Variants in PALM2AKAP2 observed in about 807,000 individuals in gnomAD.
PALM2AKAP2 encodes PALM2 and AKAP2 fusion.
Under a neutral mutation model 71.5 loss-of-function variants are expected in PALM2AKAP2, and 37 were observed. The ratio of observed to expected loss-of-function variants is 0.52; its 90% CI spans 0.40 to 0.68. The LOEUF is 0.68. PALM2AKAP2 is among the 30% of genes least tolerant of loss of function. PALM2AKAP2 has a pLI of 0.00. For synonymous variants in PALM2AKAP2, 468 were observed against 478.8 expected (o/e 0.98, Z 0.29); for missense variants, 1,224 against 1,191.8 (o/e 1.03, Z -0.40).
chr9:109,841,230 G>A (rs1221576674), intron 1 of PALM2AKAP2, among the ~76,000 whole-genome samples: 2 of 151,542 alleles, frequency 1.3e-5, no homozygotes, highest in African/African-American at 2.4e-5. Flanking sequence ...CATGGATGAA[G>A]CTGGAAACCA....
At chr9:109,867,630 G>T in intron 2 of PALM2AKAP2, 59 bp downstream of exon 2, 1 of 1,550,868 alleles carries the variant, frequency 6.4e-7, no homozygotes, top group South Asian at 1.2e-5. Context: ...ACACTCCGGA[G>T]AGCTGGGCAG....
chr9:109,866,984 C>T (rs1829464675), intron 1 of PALM2AKAP2: 2 of 455,516 alleles, frequency 4.4e-6, no homozygotes, highest in African/African-American at 4.0e-5. Context: ...GGTGATTTGT[C>T]CTACAAAATT....
chr9:110,076,814 C>G (rs1834334348), intron 1 of PALM2AKAP2, among the ~76,000 whole-genome samples: 1 of 152,122 alleles, frequency 6.6e-6, no homozygotes, highest in Non-Finnish European at 1.5e-5. Flanking sequence ...GTTACTTATT[C>G]ATTTGAAATT....
At chr9:109,836,131 G>T (rs1326855696) in intron 1 of PALM2AKAP2, among the ~76,000 whole-genome samples, 1 of 152,220 alleles carries the variant, frequency 6.6e-6, no homozygotes, top group African/African-American at 2.4e-5. Context: ...GCATCCCCCA[G>T]TAGGGGCAGA....
chr9:109,775,442 A>G (rs1336548488), upstream of PALM2AKAP2, among the ~76,000 whole-genome samples: 2 of 152,224 alleles, frequency 1.3e-5, no homozygotes, highest in Non-Finnish European at 2.9e-5. Flanking sequence ...TTTGGATCCC[A>G]TGGAGAAAAA....
chr9:110,106,812 A>G (rs938588517), intron 1 of PALM2AKAP2, among the ~76,000 whole-genome samples: 2 of 152,338 alleles, frequency 1.3e-5, no homozygotes, highest in African/African-American at 4.8e-5. Flanking sequence ...CAGTTCCCAA[A>G]CAAATGGCTT....
chr9:109,882,298 A>G lies in PALM2AKAP2; in HGVS notation c.257+1617A>G, dbSNP rs191036895. 1.8e-3 allele frequency among the ~76,000 whole-genome samples: 273 copies of G among 152,334 alleles called. 3 individuals are homozygous for G. Among genetic ancestry groups the G allele is most frequent in the African/African-American group, 6.3e-3 (260 of 41,574 alleles). On this transcript the variant is annotated intron_variant, in intron 3 of 9. Coordinates refer to the PALM2AKAP2 transcript ENST00000302798. ...GTGTCACTAAAGGGAAAAGCAAGCC[A>G]AGTAAATCCCAAAGGCATACGTCAG...
intron 7 of PALM2AKAP2, among the ~76,000 whole-genome samples, chr9:110,031,283 C>A (rs553906746): frequency 6.6e-6 from 1 of 152,082 alleles, no homozygotes; most frequent in African/African-American, 2.4e-5. Flanking sequence ...GTGTGCGCCA[C>A]CAGGCCTGGC....
At chr9:109,786,595 T>C (rs564339199) in intron 1 of PALM2AKAP2, among the ~76,000 whole-genome samples, 26 of 152,314 alleles carry the variant, frequency 1.7e-4, no homozygotes, top group Admixed American at 3.9e-4. Flanking sequence ...AGCTGCCCAC[T>C]GGATAGGTGA....
chr9:109,739,437 C>CA (rs1484689937), intron 1 of PALM2AKAP2, among the ~76,000 whole-genome samples: 10 of 152,092 alleles, frequency 6.6e-5, no homozygotes, highest in Non-Finnish European at 1.3e-4. Context: ...TTTACTCATC[C>CA]AAAGCTGAAC....
intron 3 of PALM2AKAP2, among the ~76,000 whole-genome samples, chr9:109,915,088 C>T (rs1830654244): frequency 6.6e-6 from 1 of 152,168 alleles, no homozygotes; most frequent in South Asian, 2.1e-4. Context: ...TTCCCATTTC[C>T]CAGAGTGGAG....
intron 6 of PALM2AKAP2, among the ~76,000 whole-genome samples, chr9:109,985,805 A>G (rs1832366205): frequency 6.6e-6 from 1 of 152,002 alleles, no homozygotes; most frequent in African/African-American, 2.4e-5. Context: ...ATGCACCACC[A>G]TGCCCGGCTA....
intron 1 of PALM2AKAP2, among the ~76,000 whole-genome samples, chr9:109,838,521 T>C (rs1163331716): frequency 6.6e-6 from 1 of 151,954 alleles, no homozygotes; most frequent in East Asian, 1.9e-4. Flanking sequence ...AAGAAATAAC[T>C]AAGATCAGAG....
intron 1 of PALM2AKAP2, among the ~76,000 whole-genome samples, chr9:110,080,458 G>A (rs1158795183): frequency 2.0e-5 from 3 of 152,156 alleles, no homozygotes; most frequent in African/African-American, 7.2e-5. Flanking sequence ...GATAATTCTA[G>A]ACCATCAAAA....
chr9:110,128,742 G>C (rs897433154), intron 1 of PALM2AKAP2, among the ~76,000 whole-genome samples: 9 of 152,204 alleles, frequency 5.9e-5, no homozygotes, highest in Admixed American at 6.5e-5. Context: ...AGGGGAGGCT[G>C]TGAACACAGT....
rs920628825 is a variant in PALM2AKAP2 at position 110,039,347 on chromosome 9, A to AT, written c.582+23316dup. Among the ~76,000 whole-genome samples, 8 of 152,094 alleles carry AT rather than the reference A, an allele frequency of 5.3e-5. 1 individual carries two copies. The highest frequency in any genetic ancestry group is 1.2e-4 in the African/African-American group (5 of 41,414). ...ATTATTAACTGTGAGCACAAGAAAA[A>AT]TTTTTTTTGATAGAAGAAATCACAG... On this transcript the variant is annotated intron_variant, in intron 7 of 9. Transcript: ENST00000302798.
chr9:109,688,646 C>T (rs562236609), intron 1 of PALM2AKAP2, among the ~76,000 whole-genome samples: 15 of 152,312 alleles, frequency 9.8e-5, no homozygotes, highest in African/African-American at 3.1e-4. Flanking sequence ...ATCAGACCTC[C>T]AGTTTTAAGA....
intron 1 of PALM2AKAP2, among the ~76,000 whole-genome samples, chr9:110,071,463 G>C (rs1834206642): frequency 1.3e-5 from 2 of 152,294 alleles, no homozygotes; most frequent in African/African-American, 4.8e-5. Flanking sequence ...CACTTACTGA[G>C]GGCCACCTCT....
At chr9:110,129,762 T>G (rs1317725891) in intron 1 of PALM2AKAP2, among the ~76,000 whole-genome samples, 1 of 152,242 alleles carries the variant, frequency 6.6e-6, no homozygotes, top group East Asian at 1.9e-4. Flanking sequence ...GGTTCTGTTT[T>G]AACCAATGTG....
Sources: allele counts gnomAD v4.1 joint callset (sites outside exome capture counted in the v4.1 genomes callset), GRCh38; gene constraint gnomAD v4.1.1; transcripts MANE v1.5; gene names NCBI Gene and HGNC (gene_info 2026-07-23, HGNC 2026-07-21).